Variants in SSBP3 observed in about 807,000 individuals in gnomAD.
SSBP3 encodes single stranded DNA binding protein 3.
In SSBP3, 5 loss-of-function variants were observed where a neutral mutation model predicts 69.6. The ratio of observed to expected loss-of-function variants is 0.07; its 90% CI spans 0.04 to 0.15. The LOEUF is 0.15. SSBP3 is among the 10% of genes least tolerant of loss of function. The probability of loss-of-function intolerance (pLI) is 1.00; values close to 1 mark genes in which losing one functional copy is unlikely to be tolerated. For synonymous variants in SSBP3, 196 were observed against 193.4 expected, an observed-to-expected ratio of 1.01 and a Z score of -0.11; for missense variants, 312 against 534.0, an observed-to-expected ratio of 0.58 and a Z score of 4.10.
At chr1:54,410,059 T>G (rs1367870218), upstream of SSBP3, among the ~76,000 whole-genome samples, 1 of 152,156 alleles carries the variant, frequency 6.6e-6, no homozygotes, top group African/African-American at 2.4e-5. Context: ...AGGGGTGCAT[T>G]TTCCCCATGG....
At chr1:54,259,160 AC>A (rs1212232442) in intron 5 of SSBP3, among the ~76,000 whole-genome samples, 1 of 144,094 alleles carries the variant, frequency 6.9e-6, no homozygotes, top group Non-Finnish European at 1.5e-5. Context: ...GCTGACCTCG[AC>A]CCCCCTACCC....
intron 7 of SSBP3, among the ~76,000 whole-genome samples, chr1:54,253,525 C>T (rs1156314525): frequency 1.3e-5 from 2 of 152,186 alleles, no homozygotes; most frequent in Admixed American, 1.3e-4. Context: ...CTGTTTCCGT[C>T]TGCCTGGGGG....
chr1:54,307,743 C>T (rs1569733364), intron 4 of SSBP3, among the ~76,000 whole-genome samples: 2 of 152,250 alleles, frequency 1.3e-5, no homozygotes, highest in Admixed American at 6.5e-5. Flanking sequence ...GACCTCTGGT[C>T]GTCCTCACTG....
At chr1:54,226,175 TG>T in exon 18 of SSBP3, 1 of 152,712 alleles carries the variant, frequency 6.5e-6, no homozygotes, top group Non-Finnish European at 1.5e-5. Context: ...CTGGGAAGAC[TG>T]GGGTGGGGGC....
chr1:54,357,086 T>TA (rs1452228815), intron 4 of SSBP3, among the ~76,000 whole-genome samples: 1 of 151,092 alleles, frequency 6.6e-6, no homozygotes, highest in East Asian at 1.9e-4. Context: ...GAAAGGCCCC[T>TA]AGGAAGGGAG....
intron 4 of SSBP3, among the ~76,000 whole-genome samples, chr1:54,346,759 G>A (rs1048767139): frequency 1.3e-5 from 2 of 151,482 alleles, no homozygotes; most frequent in Non-Finnish European, 2.9e-5. Context: ...AGCTTGCAGT[G>A]AGCCGAGATT....
chr1:54,356,890 G>C (rs544843327), intron 4 of SSBP3: 1 of 152,360 alleles, frequency 6.6e-6, no homozygotes, highest in South Asian at 2.1e-4. Flanking sequence ...AATAAATGTA[G>C]GGACTTTCCT....
chr1:54,361,387 G>A (rs1017908594), intron 4 of SSBP3, among the ~76,000 whole-genome samples: 1 of 152,138 alleles, frequency 6.6e-6, no homozygotes, highest in African/African-American at 2.4e-5. Context: ...AAATTAAACA[G>A]ATAGAGGTTT....
chr1:54,230,344 CCCAGGACACAGCCATG>C (rs1368616914), intron 14 of SSBP3, among the ~76,000 whole-genome samples: 1 of 152,174 alleles, frequency 6.6e-6, no homozygotes, highest in African/African-American at 2.4e-5. Flanking sequence ...AGGGAGCCAA[CCCAGGACACAGCCATG>C]CCAGACCCCC....
At chr1:54,243,178 C>G in intron 10 of SSBP3, 57 bp downstream of exon 10, 1 of 1,527,342 alleles carries the variant, frequency 6.5e-7, no homozygotes, top group Non-Finnish European at 9.1e-7. Context: ...AGGGTGCTGG[C>G]AGAGGGTGGG....
At chr1:54,381,382 C>CAAAAAAA (rs59809996) in intron 4 of SSBP3, among the ~76,000 whole-genome samples, 14 of 69,478 alleles carry the variant, frequency 2.0e-4, no homozygotes, top group Admixed American at 6.4e-4. Context: ...TACACCATCT[C>CAAAAAAA]AAAAAAAAAA....
chr1:54,385,201 G>A (rs1647987969), intron 4 of SSBP3, among the ~76,000 whole-genome samples: 1 of 152,170 alleles, frequency 6.6e-6, no homozygotes. Context: ...GAGAAAGATC[G>A]TTTGGGGACA....
At chr1:54,243,183 G>A (rs901464631) in intron 10 of SSBP3, 52 bp downstream of exon 10, 5 of 1,554,332 alleles carry the variant, frequency 3.2e-6, no homozygotes, top group Non-Finnish European at 1.8e-6. Flanking sequence ...GCTGGCAGAG[G>A]GTGGGGGAAG....
intron 1 of SSBP3, 113 bp downstream of exon 1, chr1:54,405,840 G>C: frequency 1.5e-6 from 1 of 665,782 alleles, no homozygotes; most frequent in Non-Finnish European, 1.9e-6. Context: ...TGGACCCGGG[G>C]ACCCGAGGGC....
chr1:54,375,080 G>A (rs1360697182), intron 4 of SSBP3, among the ~76,000 whole-genome samples: 1 of 152,148 alleles, frequency 6.6e-6, no homozygotes, highest in African/African-American at 2.4e-5. Flanking sequence ...CCCTGGCCCT[G>A]CACATGCTAC....
At chr1:54,229,114 G>A (rs1415865470) in intron 14 of SSBP3, among the ~76,000 whole-genome samples, 2 of 152,214 alleles carry the variant, frequency 1.3e-5, no homozygotes, top group East Asian at 3.8e-4. Context: ...GAGCCTCTCG[G>A]ATCCCACCAC....
chr1:54,239,467 A>T (rs531170206), intron 13 of SSBP3, among the ~76,000 whole-genome samples: 2 of 152,290 alleles, frequency 1.3e-5, no homozygotes, highest in African/African-American at 4.8e-5. Flanking sequence ...CCCCACACCG[A>T]ATCTGGTCCC....
Position 54,318,757 on chromosome 1 carries a change from C to T in SSBP3, c.277-37230G>A, listed in dbSNP as rs187251032. 2.0e-5 allele frequency among the ~76,000 whole-genome samples: 3 copies of T among 152,262 alleles called. No individual in the cohort carries two copies. In the East Asian group the frequency reaches 5.8e-4, roughly 29 times the overall value. The stretch of plus-strand genomic sequence containing the variant: ...GCCTCTCCACATCCCCCACCCCAAG[C>T]CGGGAATCTTCCCCCTCCTCCCACT... On this transcript the variant is annotated intron_variant, in intron 4 of 17. Transcript: ENST00000610401.
rs369179301 is a variant in SSBP3 at position 54,258,124 on chromosome 1, G to A, written c.392C>T (p.Pro131Leu). ...ATTGTGAGGTGGAGGCTGTGCGTGC[G>A]GCGAGGGCTGTGACCCCGGAGGACC... Residue 131 changes from proline (P) to leucine (L), a missense_variant, in exon 6 of 18, where the codon CCG becomes CTG. By Grantham distance (98) the Pro-to-Leu change is moderately conservative (BLOSUM62 -3). Around this residue, in one of 4 missense-constraint regions of SSBP3, gnomAD observed 134 missense variants for 212.1 expected, o/e 0.63. Coordinates refer to ENST00000610401, the Ensembl canonical transcript of SSBP3. This position sits in a 1 kb window ranked among gnomAD's most constrained non-coding sequence, Gnocchi z 4.5. 5 of 1,597,480 alleles carry A rather than the reference G, an allele frequency of 3.1e-6. No homozygotes were observed. Among genetic ancestry groups the A allele is most frequent in the East Asian group, 4.5e-5 (2 of 44,190 alleles).
Sources: allele counts gnomAD v4.1 joint callset (sites outside exome capture counted in the v4.1 genomes callset), GRCh38; gene constraint gnomAD v4.1.1; regional missense constraint gnomAD v4.1.1; non-coding constraint Gnocchi (gnomAD v3.1); transcripts MANE v1.5; gene names NCBI Gene and HGNC (gene_info 2026-07-23, HGNC 2026-07-21).